SLC8A1: variants seen among roughly 807,000 people sequenced by gnomAD.
SLC8A1 encodes the protein sodium/calcium exchanger 1.
In SLC8A1, 18 loss-of-function variants were observed where a neutral mutation model predicts 68.3. The observed-to-expected ratio is 0.26, with a 90% CI of 0.18 to 0.39. The LOEUF (loss-of-function observed/expected upper bound fraction) is 0.39. Among genes scored for constraint, SLC8A1 ranks in the 10% least tolerant of loss-of-function variants. The probability of loss-of-function intolerance (pLI) is 1.00; values close to 1 mark genes in which losing one functional copy is unlikely to be tolerated. For synonymous variants in SLC8A1, 475 were observed against 415.5 expected (o/e 1.14, Z -1.74); for missense variants, 985 against 1,156.7 (o/e 0.85, Z 2.15).
At chr2:40,482,256 T>C (rs1327795855) in intron 1 of SLC8A1, among the ~76,000 whole-genome samples, 1 of 152,186 alleles carries the variant, frequency 6.6e-6, no homozygotes, top group Non-Finnish European at 1.5e-5. Flanking sequence ...TGCCTTAAAG[T>C]CTTTCTAATT....
intron 2 of SLC8A1, among the ~76,000 whole-genome samples, chr2:40,188,378 G>T (rs556851259): frequency 6.6e-6 from 1 of 152,266 alleles, no homozygotes; most frequent in East Asian, 1.9e-4. Context: ...CAACATCTTT[G>T]TCTGGTTCAG....
At chr2:40,283,670 A>C (rs1331631292) in intron 2 of SLC8A1, among the ~76,000 whole-genome samples, 2 of 152,224 alleles carry the variant, frequency 1.3e-5, no homozygotes. Context: ...CATCAAAGTC[A>C]GAGCTCCATG....
At chr2:40,433,939 A>G (rs571031906) in intron 1 of SLC8A1, among the ~76,000 whole-genome samples, 1 of 152,274 alleles carries the variant, frequency 6.6e-6, no homozygotes, top group Admixed American at 6.5e-5. Flanking sequence ...ACTCAAACAG[A>G]CAAGCATCAA....
intron 2 of SLC8A1, among the ~76,000 whole-genome samples, chr2:40,412,425 G>T (rs1263702241): frequency 6.6e-6 from 1 of 151,958 alleles, no homozygotes; most frequent in African/African-American, 2.4e-5. Flanking sequence ...GGTATATTAG[G>T]CACTGGATTA....
chr2:40,250,476 A>G (rs1240537001), intron 2 of SLC8A1: 1 of 152,176 alleles, frequency 6.6e-6, no homozygotes, highest in East Asian at 1.9e-4. Context: ...TAAATTTTCA[A>G]CATATACATG....
At chr2:40,390,438 G>A (rs1684911339) in intron 2 of SLC8A1, among the ~76,000 whole-genome samples, 2 of 152,124 alleles carry the variant, frequency 1.3e-5, no homozygotes, top group Non-Finnish European at 2.9e-5. Flanking sequence ...AAACATAATT[G>A]TGATTCAAGT....
intron 2 of SLC8A1, among the ~76,000 whole-genome samples, chr2:40,194,469 ATGTGTGTGTGTGTGTGTGTGTGTGTG>A (rs543194094): frequency 5.8e-5 from 8 of 137,328 alleles, no homozygotes; most frequent in Admixed American, 2.2e-4. Context: ...TCAGTAAGCA[ATGTGTGTGTGTGTGTGTGTGTGTGTG>A]TGTGTGTGTG....
intron 1 of SLC8A1, among the ~76,000 whole-genome samples, chr2:40,448,175 G>C (rs903926321): frequency 6.6e-5 from 10 of 152,226 alleles, no homozygotes; most frequent in African/African-American, 2.4e-4. Context: ...TGAGAACCTA[G>C]TCATTGATTA....
At chr2:40,367,140 T>C (rs1224211706) in intron 2 of SLC8A1, among the ~76,000 whole-genome samples, 1 of 152,004 alleles carries the variant, frequency 6.6e-6, no homozygotes. Flanking sequence ...AACCTGCCAG[T>C]GTGCTGATCC....
chr2:40,101,509 A>G (rs1459450364), exon 8 of SLC8A1: 4 of 123,222 alleles, frequency 3.2e-5, no homozygotes, highest in African/African-American at 1.1e-4. Flanking sequence ...TTTTAAAAGA[A>G]CTAGATAAGC....
chr2:40,303,258 A>C (rs999599223), intron 2 of SLC8A1, among the ~76,000 whole-genome samples: 5 of 152,210 alleles, frequency 3.3e-5, no homozygotes, highest in African/African-American at 1.2e-4. Flanking sequence ...AGCAGGAAAG[A>C]AGCTTTCCCA....
chr2:40,243,790 A>AT (rs903948106), intron 2 of SLC8A1, among the ~76,000 whole-genome samples: 3 of 152,128 alleles, frequency 2.0e-5, no homozygotes, highest in African/African-American at 7.2e-5. Flanking sequence ...AGTTGAATCT[A>AT]TTTTTTTTCC....
chr2:40,331,393 G>A (rs928689804), intron 2 of SLC8A1, among the ~76,000 whole-genome samples: 1 of 151,820 alleles, frequency 6.6e-6, no homozygotes, highest in Admixed American at 6.6e-5. Flanking sequence ...ACTATATTTG[G>A]TACTTGTCTG....
rs556142063 is a variant in SLC8A1, at chr2:40,269,111, G to T, written c.1809-91256C>A. On this transcript the variant is annotated intron_variant, in intron 2 of 7. Transcript: ENST00000406785. ...AATCTGGTGTTAAAAAGTAGTGAGT[G>T]TTCATAAGGCTTCCAGAACTCAACT... 7.2e-5 allele frequency among the ~76,000 whole-genome samples: 11 copies of T among 152,288 alleles called. No individual in the cohort carries two copies. The East Asian group carries it at 2.1e-3, about 29-fold the overall frequency.
At chr2:40,106,365 G>A (rs947018963) in exon 8 of SLC8A1, 1 of 152,044 alleles carries the variant, frequency 6.6e-6, no homozygotes, top group African/African-American at 2.4e-5. Flanking sequence ...GCTCCTAGAA[G>A]AGTCACTGGT....
intron 2 of SLC8A1, among the ~76,000 whole-genome samples, chr2:40,210,481 C>T (rs1387850759): frequency 6.6e-6 from 1 of 152,164 alleles, no homozygotes; most frequent in Non-Finnish European, 1.5e-5. Context: ...CCAACCAAAT[C>T]ACATTTGATT....
intron 2 of SLC8A1, among the ~76,000 whole-genome samples, chr2:40,372,584 CT>C (rs201691082): frequency 0.025 from 3,811 of 152,216 alleles, 62 homozygotes; most frequent in Middle Eastern, 0.037. Flanking sequence ...TGGTTGACTT[CT>C]TTTCTTTTTT....
intron 2 of SLC8A1, among the ~76,000 whole-genome samples, chr2:40,393,608 A>G (rs950872470): frequency 6.6e-6 from 1 of 152,110 alleles, no homozygotes; most frequent in Admixed American, 6.6e-5. Context: ...TTCCAATTCC[A>G]TATAAACCCA....
chr2:40,369,300 C>T (rs973959869), intron 2 of SLC8A1, among the ~76,000 whole-genome samples: 2 of 152,032 alleles, frequency 1.3e-5, no homozygotes, highest in Non-Finnish European at 2.9e-5. Context: ...CATTTCTTAC[C>T]ACTTTCACCT....
Sources: allele counts gnomAD v4.1 joint callset (sites outside exome capture counted in the v4.1 genomes callset), GRCh38; gene constraint gnomAD v4.1.1; transcripts MANE v1.5; gene names NCBI Gene and HGNC (gene_info 2026-07-23, HGNC 2026-07-21).